The following DISC1 variants were observed in gnomAD, a reference collection of about 807,000 sequenced individuals.
The protein encoded by DISC1 is DISC1 scaffold protein.
Under a neutral mutation model 84.5 loss-of-function variants are expected in DISC1, and 57 were observed. The observed-to-expected ratio is 0.67, with a 90% confidence interval of 0.55 to 0.84. DISC1 has a LOEUF of 0.84. Ranked by LOEUF, DISC1 falls within the 40% of genes least tolerant of loss-of-function variation. The probability of loss-of-function intolerance (pLI) is 0.00; values close to 1 mark genes in which losing one functional copy is unlikely to be tolerated. For missense variants in DISC1, 1,000 were observed against 1,057.8 expected, an observed-to-expected ratio of 0.95 and a Z score of 0.76; for synonymous variants, 411 against 415.2, an observed-to-expected ratio of 0.99 and a Z score of 0.12.
intron 3 of DISC1, chr1:231,702,694 G>A (rs188438021): frequency 3.2e-4 from 244 of 766,390 alleles, no homozygotes; most frequent in Non-Finnish European, 3.7e-4. Context: ...ATAGAAGTTG[G>A]GCTGCAAGCA....
At chr1:232,010,431 T>C (rs1667921539) in intron 11 of DISC1, among the ~76,000 whole-genome samples, 1 of 152,066 alleles carries the variant, frequency 6.6e-6, no homozygotes, top group South Asian at 2.1e-4. Flanking sequence ...CAGGAGGAGC[T>C]CGGTGTGGGG....
chr1:231,774,266 A>AG (rs1319737883), intron 6 of DISC1, among the ~76,000 whole-genome samples: 2 of 152,130 alleles, frequency 1.3e-5, no homozygotes, highest in East Asian at 3.9e-4. Flanking sequence ...AGAAAAAAAA[A>AG]AGGAATGTAA....
intron 4 of DISC1, among the ~76,000 whole-genome samples, chr1:231,752,426 C>T (rs2074703624): frequency 6.6e-6 from 1 of 152,090 alleles, no homozygotes; most frequent in African/African-American, 2.4e-5. Flanking sequence ...CACTTTTAAA[C>T]AACGAGATCT....
intron 9 of DISC1, chr1:231,855,243 A>G: frequency 1.0e-6 from 1 of 981,014 alleles, no homozygotes; most frequent in Non-Finnish European, 1.2e-6. Flanking sequence ...ACTGTACTGT[A>G]AAGAATCACA....
chr1:231,860,819 G>A (rs1447087496), intron 9 of DISC1, among the ~76,000 whole-genome samples: 1 of 152,128 alleles, frequency 6.6e-6, no homozygotes, highest in African/African-American at 2.4e-5. Flanking sequence ...ATCTCTCACT[G>A]ATTCATTCCT....
At chr1:231,648,477 T>G (rs1343019057) in intron 1 of DISC1, among the ~76,000 whole-genome samples, 1 of 152,224 alleles carries the variant, frequency 6.6e-6, no homozygotes, top group Non-Finnish European at 1.5e-5. Flanking sequence ...TTATTCAGGA[T>G]TTTTGCATCG....
intron 9 of DISC1, among the ~76,000 whole-genome samples, chr1:231,889,523 G>A (rs1197795731): frequency 6.6e-6 from 1 of 152,218 alleles, no homozygotes; most frequent in Non-Finnish European, 1.5e-5. Context: ...TGGATTACAA[G>A]TTTTCCTTTT....
At chr1:231,933,019 G>A (rs957765292) in intron 9 of DISC1, among the ~76,000 whole-genome samples, 12 of 152,158 alleles carry the variant, frequency 7.9e-5, no homozygotes, top group African/African-American at 2.7e-4. Context: ...TATACCACCC[G>A]AGCATCACCA....
At chr1:231,959,957 G>A (rs1281651877) in intron 10 of DISC1, among the ~76,000 whole-genome samples, 2 of 152,110 alleles carry the variant, frequency 1.3e-5, no homozygotes, top group East Asian at 1.9e-4. Flanking sequence ...TTAGCCATCA[G>A]CACAGCACAC....
chr1:231,747,331 T>TA (rs1157401400), intron 3 of DISC1, among the ~76,000 whole-genome samples: 13 of 152,222 alleles, frequency 8.5e-5, no homozygotes, highest in Non-Finnish European at 1.9e-4. Flanking sequence ...ATCTTATTCA[T>TA]AAAATGTTTT....
chr1:231,751,848 A>G (rs1015084835), intron 4 of DISC1, among the ~76,000 whole-genome samples: 4 of 152,370 alleles, frequency 2.6e-5, no homozygotes, highest in Non-Finnish European at 5.9e-5. Flanking sequence ...TGGATAGACT[A>G]CAGTTTGCTC....
chr1:231,806,896 T>C (rs1218040183), intron 8 of DISC1, among the ~76,000 whole-genome samples: 1 of 152,194 alleles, frequency 6.6e-6, no homozygotes, highest in Non-Finnish European at 1.5e-5. Context: ...AAGTGTGTGG[T>C]GGGTGCGGCT....
intron 11 of DISC1, among the ~76,000 whole-genome samples, chr1:232,023,641 T>C (rs1054476443): frequency 6.6e-6 from 1 of 152,182 alleles, no homozygotes; most frequent in African/African-American, 2.4e-5. Context: ...GGGGGAGAAA[T>C]GTAAAACTGT....
intron 12 of DISC1, among the ~76,000 whole-genome samples, chr1:232,028,433 G>A (rs534958990): frequency 5.9e-5 from 9 of 152,144 alleles, no homozygotes; most frequent in East Asian, 3.9e-4. Context: ...ACTAGAGCTG[G>A]GGAGGCAGCT....
chr1:231,874,141 T>C (rs2085676160), intron 9 of DISC1, among the ~76,000 whole-genome samples: 1 of 151,930 alleles, frequency 6.6e-6, no homozygotes, highest in Admixed American at 6.6e-5. Flanking sequence ...TGAGCTACCG[T>C]GTCTGGCCTT....
intron 3 of DISC1, among the ~76,000 whole-genome samples, chr1:231,728,195 C>T (rs928803057): frequency 1.3e-5 from 2 of 152,114 alleles, no homozygotes; most frequent in African/African-American, 4.8e-5. Flanking sequence ...TTTAGGATCA[C>T]ATGTTGTGCC....
intron 9 of DISC1, among the ~76,000 whole-genome samples, chr1:231,827,134 C>A (rs1477315224): frequency 6.6e-6 from 1 of 151,878 alleles, no homozygotes; most frequent in African/African-American, 2.4e-5. Context: ...ATTACAGGCG[C>A]CCGCCACCAT....
intron 1 of DISC1, among the ~76,000 whole-genome samples, chr1:231,672,359 A>T (rs1213307781): frequency 1.3e-5 from 2 of 152,066 alleles, no homozygotes; most frequent in Non-Finnish European, 2.9e-5. Context: ...TTGGGCTTCA[A>T]TTCCTCCTAA....
chr1:231,807,198 C>T (rs2079808003), intron 8 of DISC1, among the ~76,000 whole-genome samples: 5 of 152,220 alleles, frequency 3.3e-5, no homozygotes, highest in Admixed American at 3.3e-4. Context: ...TCTATCGGTG[C>T]TCGTTGACCT....
Sources: gnomAD v4.1 joint callset for allele counts (sites outside exome capture counted in the v4.1 genomes callset) on GRCh38, gnomAD v4.1.1 for gene constraint, MANE v1.5 for transcripts, NCBI Gene and HGNC (gene_info 2026-07-23, HGNC 2026-07-21) for gene names.